The following RAP1GAP2 variants were observed in gnomAD, a reference collection of about 807,000 sequenced individuals.
RAP1GAP2 encodes the protein rap1 GTPase-activating protein 2.
RAP1GAP2 carries 27 observed loss-of-function variants against 95.0 expected under a neutral mutation model. That is an observed-to-expected ratio of 0.28 (90% CI 0.21 to 0.39). The LOEUF (loss-of-function observed/expected upper bound fraction) is 0.39, where lower values mean the gene tolerates loss of function less well. Ranked by LOEUF, RAP1GAP2 falls within the 10% of genes least tolerant of loss-of-function variation. The pLI is 1.00. For missense variants in RAP1GAP2, 771 were observed against 970.0 expected, an observed-to-expected ratio of 0.79 and a Z score of 2.72; for synonymous variants, 373 against 380.9, an observed-to-expected ratio of 0.98 and a Z score of 0.24.
At chr17:2,838,500 G>A (rs540085776) in intron 2 of RAP1GAP2, among the ~76,000 whole-genome samples, 11 of 152,128 alleles carry the variant, frequency 7.2e-5, no homozygotes, top group Non-Finnish European at 1.3e-4. Flanking sequence ...ATGGTGACCT[G>A]TACTGGGATG....
intron 3 of RAP1GAP2, among the ~76,000 whole-genome samples, chr17:2,933,952 C>A (rs1349591654): frequency 2.6e-5 from 4 of 152,262 alleles, no homozygotes; most frequent in Non-Finnish European, 4.4e-5. Context: ...GAAGCAGGAG[C>A]CCCAGTTGTT....
chr17:2,903,432 AT>A lies in RAP1GAP2; in HGVS notation c.81-1851del, dbSNP rs1415637102. Among the ~76,000 whole-genome samples, 2 of 152,158 alleles carry A rather than the reference AT, an allele frequency of 1.3e-5. No individual in the cohort carries two copies. The highest frequency in any genetic ancestry group is 4.8e-5 in the African/African-American group (2 of 41,440). ...ACGGTGGTAATGTCCAAGGCCGTAC[AT>A]AGAAGGAGGCTGGCAGCTCTAGCTG... is the stretch of plus-strand genomic sequence containing the variant. On this transcript the variant is annotated intron_variant, in intron 2 of 24. Transcript: ENST00000254695. This position sits in a 1 kb window ranked among gnomAD's most constrained non-coding sequence, Gnocchi z 4.1.
chr17:2,985,915 C>T (rs999594166), intron 11 of RAP1GAP2, among the ~76,000 whole-genome samples: 2 of 152,146 alleles, frequency 1.3e-5, no homozygotes, highest in Non-Finnish European at 1.5e-5. Context: ...CATTTATTAA[C>T]ATCCCAAGTA....
At chr17:2,811,149 C>G (rs2069757285) in intron 2 of RAP1GAP2, among the ~76,000 whole-genome samples, 1 of 152,134 alleles carries the variant, frequency 6.6e-6, no homozygotes, top group Non-Finnish European at 1.5e-5. Flanking sequence ...CTCCCCTTGG[C>G]TGGTCACCCC....
intron 14 of RAP1GAP2, 76 bp downstream of exon 14, chr17:2,998,452 A>C: frequency 6.6e-7 from 1 of 1,506,910 alleles, no homozygotes; most frequent in Admixed American, 1.9e-5. Flanking sequence ...ATATCAGAGG[A>C]CACTAGTCCT....
At chr17:2,922,439 G>A (rs1336200846) in intron 3 of RAP1GAP2, among the ~76,000 whole-genome samples, 1 of 152,138 alleles carries the variant, frequency 6.6e-6, no homozygotes, top group African/African-American at 2.4e-5. Flanking sequence ...TCTTTTTGGG[G>A]GCCACCATTA....
At chr17:2,891,062 G>A (rs2073697466) in intron 2 of RAP1GAP2, among the ~76,000 whole-genome samples, 1 of 151,904 alleles carries the variant, frequency 6.6e-6, no homozygotes, top group Admixed American at 6.6e-5. Context: ...TTTCTTTCTT[G>A]TATAACTTTT....
chr17:2,868,288 A>C (rs1203168955), intron 2 of RAP1GAP2, among the ~76,000 whole-genome samples: 1 of 152,112 alleles, frequency 6.6e-6, no homozygotes, highest in East Asian at 1.9e-4. Context: ...GGCCCAGAGG[A>C]AGTCTCAGAG....
Position 2,904,176 on chromosome 17 carries a change from C to T in RAP1GAP2, c.81-1108C>T, listed in dbSNP as rs1356195464. Among the ~76,000 whole-genome samples the T allele has an allele frequency of 6.6e-6, 1 of 152,150 alleles. No individual in the cohort carries two copies. The highest frequency in any genetic ancestry group is 1.5e-5 in the Non-Finnish European group (1 of 68,026). On this transcript the variant is annotated intron_variant, in intron 2 of 24. Transcript: ENST00000254695. This position sits in a 1 kb window ranked among gnomAD's most constrained non-coding sequence, Gnocchi z 4.7. ...ATACGGTTCTCCCAGCCCCCTCGTC[C>T]CCTCCTGGGTACAGCCAGAGCTTGT... is the stretch of plus-strand genomic sequence containing the variant.
At chr17:2,820,642 C>T (rs966028373) in intron 2 of RAP1GAP2, among the ~76,000 whole-genome samples, 2 of 150,540 alleles carry the variant, frequency 1.3e-5, no homozygotes, top group African/African-American at 4.9e-5. Flanking sequence ...AAAAAGAGGA[C>T]TTAGTATTTT....
At chr17:2,826,342 G>A (rs1181225813) in intron 2 of RAP1GAP2, among the ~76,000 whole-genome samples, 2 of 151,766 alleles carry the variant, frequency 1.3e-5, no homozygotes, top group Non-Finnish European at 2.9e-5. Context: ...AAAGGCTGCG[G>A]GTGGGTGGGG....
In RAP1GAP2 at chr17:2,902,812, C is replaced by T. The variant is rs1326921659; in HGVS notation, c.81-2472C>T. Among the ~76,000 whole-genome samples, 1 of 152,152 alleles carries T rather than the reference C, an allele frequency of 6.6e-6. No homozygotes were observed. The highest frequency in any genetic ancestry group is 2.4e-5 in the African/African-American group (1 of 41,440). ...TTATCCAGCATCCAGGGGGAAAAGGCAGGGGAGAGGGGCTCAGCTCAGGGA... is the reference window on the plus strand; with the variant it reads ...TTATCCAGCATCCAGGGGGAAAAGGTAGGGGAGAGGGGCTCAGCTCAGGGA... On this transcript the variant is annotated intron_variant, in intron 2 of 24. Transcript: ENST00000254695. This position sits in a 1 kb window ranked among gnomAD's most constrained non-coding sequence, Gnocchi z 4.1.
At chr17:2,824,101 T>A (rs1251528333) in intron 2 of RAP1GAP2, among the ~76,000 whole-genome samples, 1 of 130,760 alleles carries the variant, frequency 7.6e-6, no homozygotes, top group Non-Finnish European at 1.6e-5. Flanking sequence ...CCAGCCTGGG[T>A]GACAGAGCAA....
At chr17:2,848,744 C>G (rs531779555) in intron 2 of RAP1GAP2, among the ~76,000 whole-genome samples, 7 of 152,258 alleles carry the variant, frequency 4.6e-5, no homozygotes, top group African/African-American at 1.7e-4. Flanking sequence ...GAACTCCTGG[C>G]CTCAAGTGAT....
intron 3 of RAP1GAP2, among the ~76,000 whole-genome samples, chr17:2,929,353 A>T (rs1351908716): frequency 6.6e-6 from 1 of 151,944 alleles, no homozygotes; most frequent in African/African-American, 2.4e-5. Context: ...GGCACAGGCG[A>T]TGAGTGAGGG....
intron 12 of RAP1GAP2, among the ~76,000 whole-genome samples, chr17:2,994,283 G>A (rs7210470): frequency 0.12 from 18,028 of 152,192 alleles, 1,222 homozygotes; most frequent in Non-Finnish European, 0.15. Context: ...GGCTTGTATT[G>A]TAGTGTTGGG....
At chr17:2,878,804 A>G (rs114732028) in intron 2 of RAP1GAP2, among the ~76,000 whole-genome samples, 1,675 of 152,336 alleles carry the variant, frequency 0.011, 37 homozygotes, top group African/African-American at 0.037. Flanking sequence ...GGACTCAGGC[A>G]AACCTGGGCC....
chr17:2,812,226 C>T (rs1272176209), intron 2 of RAP1GAP2, among the ~76,000 whole-genome samples: 1 of 152,168 alleles, frequency 6.6e-6, no homozygotes, highest in Admixed American at 6.5e-5. Flanking sequence ...ACCTCAGTGG[C>T]TGGCTGGTCA....
Position 3,026,927 on chromosome 17 carries a change from C to A in RAP1GAP2, c.1981-17C>A. 1 of 1,548,836 alleles carries A rather than the reference C, an allele frequency of 6.5e-7. No individual in the cohort carries two copies. Among genetic ancestry groups the A allele is most frequent in the South Asian group, 1.2e-5 (1 of 83,740 alleles). On this transcript the variant is annotated splice_polypyrimidine_tract_variant and intron_variant, in intron 21 of 24. Transcript: ENST00000254695. ...CCGAGGGTGGGCTGGCCTCGCTCAC[C>A]CTGCCTCTCTCCTCAGGGCAGCCAG... is the stretch of plus-strand genomic sequence containing the variant.
Sources: allele counts gnomAD v4.1 joint callset (sites outside exome capture counted in the v4.1 genomes callset), GRCh38; gene constraint gnomAD v4.1.1; non-coding constraint Gnocchi (gnomAD v3.1); transcripts MANE v1.5; gene names NCBI Gene and HGNC (gene_info 2026-07-23, HGNC 2026-07-21).